G3BP1: variants seen among roughly 807,000 people sequenced by gnomAD.
G3BP1 encodes ras GTPase-activating protein-binding protein 1.
A neutral mutation model predicts 58.6 loss-of-function variants in G3BP1; 35 were observed. That is an observed-to-expected ratio of 0.60 (90% CI 0.46 to 0.79). The LOEUF (loss-of-function observed/expected upper bound fraction) is 0.79. G3BP1 is among the 30% of genes least tolerant of loss of function. The pLI is 0.00. For synonymous variants in G3BP1, 191 were observed against 195.4 expected (o/e 0.98, Z 0.19); for missense variants, 523 against 580.8 (o/e 0.90, Z 1.02).
At chr5:151,772,706 C>T (rs1762292653) in intron 1 of G3BP1, 1 of 152,306 alleles carries the variant, frequency 6.6e-6, no homozygotes, top group Non-Finnish European at 1.5e-5. Flanking sequence ...CGGCCCAAGG[C>T]ACGGGTTTGG....
In G3BP1 at chr5:151,800,936, A is replaced by G. The variant is rs111320818; in HGVS notation, c.1194+67A>G. On this transcript the variant is annotated intron_variant, in intron 11 of 11. Coordinates refer to ENST00000356245, the MANE Select transcript of G3BP1 (RefSeq NM_005754.3). Reference sequence around the variant, plus strand: ...AAAGGGTTTTGGTTCTTTAGAATATATCTTTACAGCTGGGTCTTTATGTAA... The same window carrying G: ...AAAGGGTTTTGGTTCTTTAGAATATGTCTTTACAGCTGGGTCTTTATGTAA... The G allele has an allele frequency of 1.0e-4, 78 of 757,996 alleles. No homozygotes were observed. In the African/African-American group the frequency reaches 1.3e-3, roughly 13 times the overall value. 47.0% of individuals were successfully genotyped at this position (757,996 alleles called of 1,614,324 possible). A position where few individuals can be genotyped will look rare whatever the true frequency, so the allele number is the denominator to read the frequency against.
At chr5:151,796,522 C>T (rs991388505) in intron 6 of G3BP1, among the ~76,000 whole-genome samples, 2 of 152,192 alleles carry the variant, frequency 1.3e-5, no homozygotes, top group Non-Finnish European at 2.9e-5. Flanking sequence ...CCCACCTTGG[C>T]CTCGCAAAGT....
At position 151,794,221 on chromosome 5, in the gene G3BP1, T is replaced by C. The variant is rs180824997; in HGVS notation, c.414T>C (p.Phe138=). 4 of 1,609,448 alleles carry C rather than the reference T, an allele frequency of 2.5e-6. No homozygotes were observed. Among genetic ancestry groups the C allele is most frequent in the Admixed American group, 1.7e-5 (1 of 60,022 alleles). The change falls in exon 5 of 12, where the codon TTT becomes TTC. Residue 138 remains phenylalanine (F), a synonymous_variant. Transcript: ENST00000356245. ...NDIFRYQDEV[F]GGFVTEPQEE... is the part of the protein sequence containing the mutation. The stretch of plus-strand genomic sequence containing the variant: ...TCTTCAGATACCAAGATGAGGTCTT[T>C]GGTGGGTTTGTCACTGAGCCTCAGG...
chr5:151,795,732 A>C (rs1262646195), intron 6 of G3BP1, among the ~76,000 whole-genome samples, 157 bp downstream of exon 6: 1 of 152,242 alleles, frequency 6.6e-6, no homozygotes, highest in African/African-American at 2.4e-5. Context: ...ACTAAACAAA[A>C]ATATGTAACT....
chr5:151,801,049 A>G (rs754072516), intron 11 of G3BP1, among the ~76,000 whole-genome samples, 180 bp downstream of exon 11: 1 of 152,116 alleles, frequency 6.6e-6, no homozygotes, highest in Non-Finnish European at 1.5e-5. Context: ...AGGAAAACAA[A>G]CCTTATGTTT....
Position 151,805,899 on chromosome 5 carries a change from G to C in G3BP1, c.*1808G>C, listed in dbSNP as rs1434432359. ...TGGTAACTTCAAGGTCATAAATTAT[G>C]GATAGCCTAGAAATTATCCTTCATG... is the stretch of plus-strand genomic sequence containing the variant. On this transcript the variant is annotated 3_prime_UTR_variant, in exon 12 of 12. Transcript: ENST00000356245. 2 of 152,156 alleles carry C rather than the reference G, an allele frequency of 1.3e-5. No individual in the cohort carries two copies. The highest frequency in any genetic ancestry group is 4.8e-5 in the African/African-American group (2 of 41,418). 9.4% of individuals were successfully genotyped at this position (152,156 alleles called of 1,614,324 possible).
At chr5:151,786,237 C>T (rs888692328) in intron 1 of G3BP1, among the ~76,000 whole-genome samples, 1 of 152,094 alleles carries the variant, frequency 6.6e-6, no homozygotes, top group East Asian at 1.9e-4. Flanking sequence ...TGTGGTGAGC[C>T]GAGATCGCAC....
At chr5:151,800,144 T>C (rs1433263385) in intron 9 of G3BP1, 74 bp from the exon 10 acceptor site, 2 of 1,436,130 alleles carry the variant, frequency 1.4e-6, no homozygotes. Flanking sequence ...GAGGGAAAAC[T>C]ATTGAATGTG....
chr5:151,773,943 A>T (rs1409596026), intron 1 of G3BP1, among the ~76,000 whole-genome samples: 1 of 152,200 alleles, frequency 6.6e-6, no homozygotes, highest in Non-Finnish European at 1.5e-5. Flanking sequence ...AAATTTCGTT[A>T]GTTTCTACTT....
At chr5:151,786,097 G>T (rs1581574830) in intron 1 of G3BP1, among the ~76,000 whole-genome samples, 1 of 152,156 alleles carries the variant, frequency 6.6e-6, no homozygotes, top group South Asian at 2.1e-4. Context: ...TTTGAGACCA[G>T]CCTGGATAAC....
rs1158140806 is a variant in G3BP1, at chr5:151,799,201, T to C, written c.742-11T>C. On this transcript the variant is annotated splice_polypyrimidine_tract_variant and intron_variant, in intron 7 of 11. Transcript: ENST00000356245. The stretch of plus-strand genomic sequence containing the variant: ...TGGTATAATTATGTAATGTTGGTAT[T>C]GCTCCCTTAGACATTTTCTTGGGCA... 7.4e-7 allele frequency: 1 copy of C among 1,357,460 alleles called. No individual in the cohort carries two copies. Among genetic ancestry groups the C allele is most frequent in the African/African-American group, 1.4e-5 (1 of 70,056 alleles). 84.1% of individuals were successfully genotyped at this position (1,357,460 alleles called of 1,614,324 possible).
Position 151,799,924 on chromosome 5 carries a change from A to G in G3BP1, c.879A>G (p.Pro293=), listed in dbSNP as rs1263919498. 1.9e-6 allele frequency: 3 copies of G among 1,613,428 alleles called. No individual in the cohort carries two copies. In the South Asian group the frequency reaches 3.3e-5, roughly 18 times the overall value. The change falls in exon 9 of 12, where the codon CCA becomes CCG. Residue 293 remains proline (P), a synonymous_variant. Transcript: ENST00000356245. ...RPESKPESQI[P]PQRPQRDQRV... is the part of the protein sequence containing the mutation. Reference sequence around the variant, plus strand: ...AGTCTAAGCCTGAATCTCAGATTCCACCACAAAGACCTCAGCGGGATCAAA... The same window carrying G: ...AGTCTAAGCCTGAATCTCAGATTCCGCCACAAAGACCTCAGCGGGATCAAA...
At chr5:151,773,003 A>G (rs539909109) in intron 1 of G3BP1, among the ~76,000 whole-genome samples, 10 of 152,220 alleles carry the variant, frequency 6.6e-5, no homozygotes, top group Non-Finnish European at 1.2e-4. Context: ...CCCTGGGTAG[A>G]TGTGCCGCCA....
chr5:151,808,485 T>C lies in G3BP1; in HGVS notation c.*4394T>C, dbSNP rs1490705949. On this transcript the variant is annotated 3_prime_UTR_variant, in exon 12 of 12. Coordinates refer to ENST00000356245, the MANE Select transcript of G3BP1 (RefSeq NM_005754.3). ...GGTTTTTAGTTTCTGTTTATGTGAC[T>C]TGTTTGAAAACATTGGATTCGTCTT... 6.6e-6 allele frequency: 1 copy of C among 152,250 alleles called. No homozygotes were observed. The highest frequency in any genetic ancestry group is 1.5e-5 in the Non-Finnish European group (1 of 68,048). 9.4% of individuals were successfully genotyped at this position (152,250 alleles called of 1,614,324 possible).
Position 151,797,262 on chromosome 5 carries a change from C to T in G3BP1, c.575C>T (p.Ala192Val), listed in dbSNP as rs909175678. 6.2e-7 allele frequency: 1 copy of T among 1,612,936 alleles called. No individual in the cohort carries two copies. The highest frequency in any genetic ancestry group is 8.5e-7 in the Non-Finnish European group (1 of 1,178,984). Residue 192 changes from alanine (A) to valine (V), a missense_variant, in exon 7 of 12, where the codon GCT becomes GTT. Coordinates refer to ENST00000356245, the MANE Select transcript of G3BP1 (RefSeq NM_005754.3). ...DMEEHLEEPVAEPEPDPEPEP... is the reference protein window; with the variant it reads ...DMEEHLEEPVVEPEPDPEPEP... ...GAAGAACATTTAGAGGAGCCTGTTG[C>T]TGAACCAGAGCCTGATCCTGAACCA... is the stretch of plus-strand genomic sequence containing the variant.
At chr5:151,776,255 C>T (rs1221299393) in intron 1 of G3BP1, among the ~76,000 whole-genome samples, 3 of 152,104 alleles carry the variant, frequency 2.0e-5, no homozygotes. Context: ...GATTGGGGGT[C>T]CATAATATAT....
At chr5:151,780,439 A>G (rs559551731) in intron 1 of G3BP1, among the ~76,000 whole-genome samples, 1 of 152,292 alleles carries the variant, frequency 6.6e-6, no homozygotes, top group South Asian at 2.1e-4. Context: ...TTAAAAATGC[A>G]GGTGGAGTAT....
chr5:151,781,259 CAA>C (rs1762465536), intron 1 of G3BP1, among the ~76,000 whole-genome samples: 1 of 152,122 alleles, frequency 6.6e-6, no homozygotes, highest in Non-Finnish European at 1.5e-5. Flanking sequence ...CATTTGCAGT[CAA>C]GAGAAATGTA....
At chr5:151,777,914 T>C (rs567145816) in intron 1 of G3BP1, among the ~76,000 whole-genome samples, 5 of 147,718 alleles carry the variant, frequency 3.4e-5, no homozygotes, top group Non-Finnish European at 7.3e-5. Context: ...TTTTTGTAAA[T>C]ACATTATGTT....
Sources: gnomAD v4.1 joint callset for allele counts (sites outside exome capture counted in the v4.1 genomes callset) on GRCh38, gnomAD v4.1.1 for gene constraint, MANE v1.5 for transcripts, NCBI Gene and HGNC (gene_info 2026-07-23, HGNC 2026-07-21) for gene names.